The following MLIP variants were observed in gnomAD, a reference collection of about 807,000 sequenced individuals.
MLIP encodes the protein muscular LMNA-interacting protein.
Under a neutral mutation model 84.8 loss-of-function variants are expected in MLIP, and 79 were observed. That is an observed-to-expected ratio of 0.93 (90% CI 0.78 to 1.12). MLIP has a LOEUF of 1.12. Ranked by LOEUF, MLIP falls within the 50% of genes most tolerant of loss-of-function variation. The probability of loss-of-function intolerance (pLI) is 0.00; values close to 1 mark genes in which losing one functional copy is unlikely to be tolerated. For synonymous variants in MLIP, 504 were observed against 463.0 expected (o/e 1.09, Z -1.14); for missense variants, 1,257 against 1,160.6 (o/e 1.08, Z -1.21).
intron 9 of MLIP, among the ~76,000 whole-genome samples, chr6:54,182,784 AAAG>A (rs1777016219): frequency 6.6e-6 from 1 of 152,240 alleles, no homozygotes; most frequent in African/African-American, 2.4e-5. Flanking sequence ...CTTTCTTAAT[AAAG>A]AATAACCTCT....
intron 12 of MLIP, among the ~76,000 whole-genome samples, chr6:54,244,542 T>A (rs1423571772): frequency 6.6e-6 from 1 of 152,186 alleles, no homozygotes; most frequent in Non-Finnish European, 1.5e-5. Context: ...AATGAGCAGA[T>A]ATTTTAAGAG....
rs540450683 is a variant in MLIP, at chr6:54,238,485, A to T, written c.2922+7568A>T. 4.6e-5 allele frequency among the ~76,000 whole-genome samples: 7 copies of T among 152,302 alleles called. No individual in the cohort carries two copies. The East Asian group carries it at 1.4e-3, about 29-fold the overall frequency. On this transcript the variant is annotated intron_variant, in intron 12 of 13. Transcript: ENST00000502396. The stretch of plus-strand genomic sequence containing the variant: ...CTACATTTTCTCCCTTTTATTTAGC[A>T]TAACTACAAGCCATGTAGACAGGAA...
rs762463929 is a variant in MLIP, at chr6:54,160,363, C to G, written c.2290-4C>G. 4 of 1,610,926 alleles carry G rather than the reference C, an allele frequency of 2.5e-6. No homozygotes were observed. Among genetic ancestry groups the G allele is most frequent in the Admixed American group, 1.7e-5 (1 of 59,796 alleles). On this transcript the variant is annotated splice_region_variant and splice_polypyrimidine_tract_variant and intron_variant, in intron 5 of 13. Coordinates refer to ENST00000502396, the MANE Select transcript of MLIP (RefSeq NM_001281747.2). Reference sequence around the variant, plus strand: ...CATATAAGAACTATTTCATTTGTCACTAGGCACTAGATGAACCAGCCAAGA... The same window carrying G: ...CATATAAGAACTATTTCATTTGTCAGTAGGCACTAGATGAACCAGCCAAGA...
At chr6:54,155,084 T>G (rs1220660866) in intron 5 of MLIP, among the ~76,000 whole-genome samples, 1 of 151,988 alleles carries the variant, frequency 6.6e-6, no homozygotes, top group Non-Finnish European at 1.5e-5. Flanking sequence ...CCAACTAGAG[T>G]TCTTCAGTTC....
At chr6:54,062,866 G>A (rs924625914) in intron 1 of MLIP, among the ~76,000 whole-genome samples, 1 of 152,152 alleles carries the variant, frequency 6.6e-6, no homozygotes, top group Admixed American at 6.6e-5. Context: ...CTTAGTTAAT[G>A]TTTGTCAAAT....
intron 1 of MLIP, among the ~76,000 whole-genome samples, chr6:54,025,318 T>G (rs1465112342): frequency 6.6e-6 from 1 of 152,216 alleles, no homozygotes; most frequent in Non-Finnish European, 1.5e-5. Flanking sequence ...GATATTACTT[T>G]CCGTATGGCT....
chr6:54,208,838 A>G (rs940395858), intron 11 of MLIP, among the ~76,000 whole-genome samples: 7 of 152,124 alleles, frequency 4.6e-5, no homozygotes, highest in Non-Finnish European at 7.4e-5. Flanking sequence ...CTCCTCTCCA[A>G]ATACACTGCC....
chr6:54,204,302 C>T (rs544952279), intron 11 of MLIP, among the ~76,000 whole-genome samples: 20 of 152,092 alleles, frequency 1.3e-4, no homozygotes, highest in Non-Finnish European at 2.4e-4. Context: ...ATGGAAACTC[C>T]TGTGGGGAAA....
intron 3 of MLIP, among the ~76,000 whole-genome samples, chr6:54,128,388 GC>G (rs1771101233): frequency 6.6e-6 from 1 of 152,038 alleles, no homozygotes; most frequent in Non-Finnish European, 1.5e-5. Context: ...AAGTATAAAA[GC>G]ACCTATGAAA....
chr6:54,117,061 G>A (rs920164285), intron 1 of MLIP, among the ~76,000 whole-genome samples: 1 of 152,014 alleles, frequency 6.6e-6, no homozygotes, highest in Non-Finnish European at 1.5e-5. Context: ...CATGATAAAA[G>A]CTCTCAACAA....
chr6:54,124,125 A>G (rs1307048892), intron 2 of MLIP, among the ~76,000 whole-genome samples: 1 of 152,190 alleles, frequency 6.6e-6, no homozygotes, highest in African/African-American at 2.4e-5. Context: ...ACCATTAACT[A>G]AACCCTTGCC....
chr6:54,179,589 G>A (rs1379553822), intron 9 of MLIP, among the ~76,000 whole-genome samples: 1 of 151,530 alleles, frequency 6.6e-6, no homozygotes, highest in Non-Finnish European at 1.5e-5. Flanking sequence ...TTAATTTGAG[G>A]TTACCATGAG....
At chr6:54,224,037 T>A (rs765746922) in intron 11 of MLIP, among the ~76,000 whole-genome samples, 10 of 151,834 alleles carry the variant, frequency 6.6e-5, no homozygotes, top group Non-Finnish European at 1.3e-4. Context: ...AAAACAAATA[T>A]TTAGAGGAAA....
At chr6:54,221,149 C>G (rs73741476) in intron 11 of MLIP, among the ~76,000 whole-genome samples, 3,815 of 152,120 alleles carry the variant, frequency 0.025, 156 homozygotes, top group African/African-American at 0.084. Flanking sequence ...TGGGCACAGA[C>G]AAGTTGCCAT....
intron 1 of MLIP, among the ~76,000 whole-genome samples, chr6:54,043,150 A>T (rs1764840820): frequency 6.6e-6 from 1 of 152,180 alleles, no homozygotes; most frequent in African/African-American, 2.4e-5. Context: ...GCTCCCTTTT[A>T]GCAGTTAAGT....
At chr6:54,201,458 C>G (rs1258955391) in intron 10 of MLIP, among the ~76,000 whole-genome samples, 2 of 152,150 alleles carry the variant, frequency 1.3e-5, no homozygotes, top group African/African-American at 2.4e-5. Context: ...TTGATCTCAG[C>G]ATATCTGCTT....
At chr6:54,228,680 C>T (rs990323768) in intron 11 of MLIP, among the ~76,000 whole-genome samples, 7 of 152,228 alleles carry the variant, frequency 4.6e-5, no homozygotes, top group African/African-American at 1.7e-4. Context: ...TTGGTGAATT[C>T]GTTGCTTTCC....
rs1026501407 is a variant in MLIP, at chr6:54,049,934, G to A, written c.63+30843G>A. Among the ~76,000 whole-genome samples the A allele has an allele frequency of 3.9e-5, 6 of 152,164 alleles. No homozygotes were observed. In the East Asian group the frequency reaches 7.7e-4, roughly 20 times the overall value. On this transcript the variant is annotated intron_variant, in intron 1 of 12. Transcript: ENST00000274897. ...ATTATACTAAAGTGCAACATTGTAC[G>A]TACTCTGGTTGAAATGTTGGTGACA...
intron 4 of MLIP, among the ~76,000 whole-genome samples, chr6:54,147,349 G>T (rs975244478): frequency 1.3e-5 from 2 of 152,124 alleles, no homozygotes; most frequent in African/African-American, 4.8e-5. Flanking sequence ...AAATGTCAAC[G>T]TAGTAATAAA....
Sources: allele counts gnomAD v4.1 joint callset (sites outside exome capture counted in the v4.1 genomes callset), GRCh38; gene constraint gnomAD v4.1.1; transcripts MANE v1.5; gene names NCBI Gene and HGNC (gene_info 2026-07-23, HGNC 2026-07-21).